The following MYO9B variants were observed in gnomAD, a reference collection of about 807,000 sequenced individuals.
The protein encoded by MYO9B is myosin IXB.
MYO9B carries 71 observed loss-of-function variants against 229.5 expected under a neutral mutation model. The ratio of observed to expected loss-of-function variants is 0.31; its 90% CI spans 0.26 to 0.38. MYO9B has a LOEUF of 0.38. Ranked by LOEUF, MYO9B falls within the 10% of genes least tolerant of loss-of-function variation. MYO9B has a pLI of 1.00. For missense variants in MYO9B, 2,255 were observed against 2,920.5 expected (o/e 0.77, Z 5.25); for synonymous variants, 1,185 against 1,235.8 (o/e 0.96, Z 0.86).
In MYO9B at chr19:17,200,823, C is replaced by T. The variant is rs1194727766; in HGVS notation, c.4557C>T (p.Leu1519=). Residue 1519 remains leucine (L), a synonymous_variant, in exon 26 of 40, where the codon CTC becomes CTT. Coordinates refer to ENST00000682292, the MANE Select transcript of MYO9B (RefSeq NM_004145.4). ...TCAAGTACCTGGACGAGTTCCTGCT[C>T]AACAAGGTGGGATCACTAGGCGAGG... ...NELKYLDEFL[L]NKINDLRSQK... is the part of the protein sequence containing the mutation. 1.9e-6 allele frequency: 3 copies of T among 1,613,316 alleles called. No homozygotes were observed. Among genetic ancestry groups the T allele is most frequent in the East Asian group, 2.2e-5 (1 of 44,862 alleles).
intron 14 of MYO9B, among the ~76,000 whole-genome samples, chr19:17,177,164 G>A (rs2072799670): frequency 6.6e-6 from 1 of 152,054 alleles, no homozygotes; most frequent in Admixed American, 6.6e-5. Context: ...TCGCACCACT[G>A]CACTCCAGCC....
intron 2 of MYO9B, among the ~76,000 whole-genome samples, chr19:17,108,264 G>A (rs986469275): frequency 4.6e-5 from 7 of 152,184 alleles, no homozygotes; most frequent in Admixed American, 1.3e-4. Flanking sequence ...TGCCCACGCC[G>A]GCTTCCAAAA....
intron 2 of MYO9B, among the ~76,000 whole-genome samples, chr19:17,108,089 C>T (rs1433204997): frequency 6.6e-6 from 1 of 152,168 alleles, no homozygotes; most frequent in African/African-American, 2.4e-5. Flanking sequence ...AGCAAAGCTC[C>T]CTCCAGCCTC....
At position 17,197,439 on chromosome 19, in the gene MYO9B, G is replaced by GATAGATAC. The variant is rs1555704414; in HGVS notation, c.4047-346_4047-345insCATAGATA. Among the ~76,000 whole-genome samples, 11 of 151,078 alleles carry GATAGATAC rather than the reference G, an allele frequency of 7.3e-5. No homozygotes were observed. In the South Asian group the frequency reaches 8.3e-4, roughly 11 times the overall value. ...AGATAGATAGATAGATAGATAGATA[G>GATAGATAC]ATAGATAGATACATAGATAGATAGA... On this transcript the variant is annotated intron_variant, in intron 22 of 39. Coordinates refer to ENST00000682292, the MANE Select transcript of MYO9B (RefSeq NM_004145.4).
At position 17,198,011 on chromosome 19, in the gene MYO9B, G is replaced by A. The variant is rs372513494; in HGVS notation, c.4113+153G>A. The A allele has an allele frequency of 2.0e-3, 2,569 of 1,316,626 alleles. 73 individuals are homozygous for A. In the South Asian group the frequency reaches 0.034, roughly 17 times the overall value. The allele number at this position is 1,316,626 out of a possible 1,614,324, so 81.6% of individuals were successfully genotyped here. ...GGGTAGAGGTTGTAGTGAGCCTCGC[G>A]AGACCAGGCCACTGCACTCCAGCCT... On this transcript the variant is annotated intron_variant, in intron 23 of 39. Coordinates refer to ENST00000682292, the MANE Select transcript of MYO9B (RefSeq NM_004145.4).
At chr19:17,144,337 G>A (rs1201767691) in intron 2 of MYO9B, among the ~76,000 whole-genome samples, 1 of 152,172 alleles carries the variant, frequency 6.6e-6, no homozygotes, top group Non-Finnish European at 1.5e-5. Context: ...GGGCATGATG[G>A]TTCATGCCTG....
intron 10 of MYO9B, among the ~76,000 whole-genome samples, chr19:17,165,915 G>A (rs1406624350): frequency 6.6e-6 from 1 of 152,186 alleles, no homozygotes; most frequent in Non-Finnish European, 1.5e-5. Flanking sequence ...CATAGCCTTT[G>A]GTTTGCATTA....
Position 17,192,985 on chromosome 19 carries a change from G to A in MYO9B, c.3051G>A (p.Gln1017=). The A allele has an allele frequency of 6.6e-7, 1 of 1,519,276 alleles. No homozygotes were observed. Among genetic ancestry groups the A allele is most frequent in the Non-Finnish European group, 8.9e-7 (1 of 1,127,434 alleles). The allele number at this position is 1,519,276 out of a possible 1,614,324, so 94.1% of individuals were successfully genotyped here. A position where few individuals can be genotyped will look rare whatever the true frequency, so the allele number is the denominator to read the frequency against. Residue 1017 remains glutamine, a synonymous_variant, in exon 21 of 40, where the codon CAG becomes CAA. Transcript: ENST00000682292. ...YLQASWRGYW[Q]RKLYRHQKQS... is the part of the protein sequence containing the mutation. ...AGGCCTCATGGAGGGGCTACTGGCA[G>A]CGGAAGCTCTACCGGCACCAGAAAC... is the stretch of plus-strand genomic sequence containing the variant.
intron 18 of MYO9B, among the ~76,000 whole-genome samples, chr19:17,186,989 A>C (rs892806831): frequency 6.6e-6 from 1 of 151,958 alleles, no homozygotes; most frequent in Admixed American, 6.6e-5. Context: ...CAGCCTCCCA[A>C]AGTGCTGGGA....
At chr19:17,197,431 G>C (rs201102749) in intron 22 of MYO9B, among the ~76,000 whole-genome samples, 40 of 88,260 alleles carry the variant, frequency 4.5e-4, no homozygotes, top group East Asian at 3.8e-3. Flanking sequence ...TAGATAGATA[G>C]ATAGATAGAT....
At chr19:17,190,820 G>A (rs949131105) in intron 19 of MYO9B, among the ~76,000 whole-genome samples, 5 of 151,926 alleles carry the variant, frequency 3.3e-5, no homozygotes, top group Admixed American at 2.0e-4. Context: ...CACCATGCCC[G>A]GCTAAGTAGA....
chr19:17,162,323 G>A (rs771328564), intron 8 of MYO9B, 27 bp from the exon 9 acceptor site: 2 of 1,540,212 alleles, frequency 1.3e-6, no homozygotes, highest in Non-Finnish European at 1.8e-6. Flanking sequence ...CCGTGCCGGA[G>A]GTGAGTCACC....
chr19:17,113,459 G>T (rs991698896), intron 2 of MYO9B, among the ~76,000 whole-genome samples: 1 of 152,204 alleles, frequency 6.6e-6, no homozygotes, highest in Non-Finnish European at 1.5e-5. Flanking sequence ...CCCTGCGAGC[G>T]GTCAAGACTC....
intron 1 of MYO9B, among the ~76,000 whole-genome samples, chr19:17,081,637 A>G (rs1296121158): frequency 1.3e-5 from 2 of 151,756 alleles, no homozygotes; most frequent in African/African-American, 2.4e-5. Flanking sequence ...GATGAAACCC[A>G]GTCTCTACTA....
intron 2 of MYO9B, among the ~76,000 whole-genome samples, chr19:17,137,295 T>C (rs1484441140): frequency 3.4e-5 from 5 of 148,220 alleles, no homozygotes; most frequent in Non-Finnish European, 7.4e-5. Flanking sequence ...GAGACAGAAA[T>C]GGGAGGATCG....
intron 2 of MYO9B, among the ~76,000 whole-genome samples, chr19:17,118,203 CAG>C (rs1365960507): frequency 1.3e-5 from 2 of 151,958 alleles, no homozygotes; most frequent in African/African-American, 4.8e-5. Context: ...AGTGCTGAGG[CAG>C]AGAGACCTGC....
intron 24 of MYO9B, among the ~76,000 whole-genome samples, chr19:17,199,513 G>GTT (rs372647990): frequency 6.8e-6 from 1 of 146,560 alleles, no homozygotes; most frequent in African/African-American, 2.5e-5. Context: ...TTTTTTGTTT[G>GTT]TTTTTTTTTT....
intron 2 of MYO9B, among the ~76,000 whole-genome samples, chr19:17,141,600 G>T (rs56089672): frequency 2.6e-5 from 4 of 151,926 alleles, no homozygotes; most frequent in Admixed American, 2.6e-4. Flanking sequence ...CCCACCTTCC[G>T]CCAGCCACCA....
intron 6 of MYO9B, 93 bp from the exon 7 acceptor site, chr19:17,156,816 C>T: frequency 7.0e-7 from 1 of 1,427,468 alleles, no homozygotes; most frequent in Non-Finnish European, 9.5e-7. Context: ...CCAGAATTTG[C>T]TGGTTTTATG....
Sources: gnomAD v4.1 joint callset for allele counts (sites outside exome capture counted in the v4.1 genomes callset) on GRCh38, gnomAD v4.1.1 for gene constraint, MANE v1.5 for transcripts, NCBI Gene and HGNC (gene_info 2026-07-23, HGNC 2026-07-21) for gene names.